FAT3: variants seen among roughly 807,000 people sequenced by gnomAD.
FAT3 encodes the protein FAT atypical cadherin 3.
A neutral mutation model predicts 310.2 loss-of-function variants in FAT3; 95 were observed. The ratio of observed to expected loss-of-function variants is 0.31; its 90% CI spans 0.26 to 0.36. FAT3 has a LOEUF of 0.36. Ranked by LOEUF, FAT3 falls within the 10% of genes least tolerant of loss-of-function variation. FAT3 has a pLI of 1.00. For synonymous variants in FAT3, 2,314 were observed against 2,192.9 expected, an observed-to-expected ratio of 1.06 and a Z score of -1.54; for missense variants, 5,408 against 5,715.6, an observed-to-expected ratio of 0.95 and a Z score of 1.74.
chr11:92,522,021 C>T (rs1953702063), intron 2 of FAT3, among the ~76,000 whole-genome samples: 1 of 152,152 alleles, frequency 6.6e-6, no homozygotes, highest in Non-Finnish European at 1.5e-5. Context: ...CTCATTATCT[C>T]TGTTCCTCCA....
At chr11:92,461,568 C>G (rs187954802) in intron 2 of FAT3, among the ~76,000 whole-genome samples, 2 of 152,184 alleles carry the variant, frequency 1.3e-5, no homozygotes, top group East Asian at 3.9e-4. Flanking sequence ...GATGAGCTGA[C>G]ATTTAAGTTC....
chr11:92,668,696 A>G (rs1943033661), intron 3 of FAT3, among the ~76,000 whole-genome samples: 1 of 152,250 alleles, frequency 6.6e-6, no homozygotes, highest in African/African-American at 2.4e-5. Context: ...TCAAATTCCT[A>G]GCACCATGGA....
intron 1 of FAT3, among the ~76,000 whole-genome samples, chr11:92,229,924 T>G (rs1272433835): frequency 6.6e-6 from 1 of 151,992 alleles, no homozygotes; most frequent in Non-Finnish European, 1.5e-5. Context: ...AAACAAAATA[T>G]TACTTCCTTC....
At chr11:92,614,586 G>T (rs1032929255) in intron 3 of FAT3, among the ~76,000 whole-genome samples, 1 of 152,054 alleles carries the variant, frequency 6.6e-6, no homozygotes, top group Non-Finnish European at 1.5e-5. Flanking sequence ...AGATATAGCC[G>T]CTCATTTGGT....
intron 2 of FAT3, among the ~76,000 whole-genome samples, chr11:92,364,766 A>G (rs1948973396): frequency 6.6e-6 from 1 of 152,122 alleles, no homozygotes; most frequent in Non-Finnish European, 1.5e-5. Flanking sequence ...GGACTCTCAA[A>G]ATTTTCCCAT....
At chr11:92,442,081 T>TTTATATA (rs1355599282) in intron 2 of FAT3, among the ~76,000 whole-genome samples, 51 of 69,976 alleles carry the variant, frequency 7.3e-4, no homozygotes, top group African/African-American at 4.1e-3. Context: ...AATATATATT[T>TTTATATA]TATATATATA....
intron 4 of FAT3, among the ~76,000 whole-genome samples, chr11:92,746,586 C>T (rs1438767033): frequency 6.6e-6 from 1 of 152,106 alleles, no homozygotes; most frequent in Non-Finnish European, 1.5e-5. Flanking sequence ...TCTGAAAGTC[C>T]CCCAAAGTCT....
intron 2 of FAT3, among the ~76,000 whole-genome samples, chr11:92,380,040 G>A (rs765090260): frequency 1.3e-4 from 20 of 150,178 alleles, no homozygotes; most frequent in Admixed American, 6.7e-4. Flanking sequence ...TGATGATGTC[G>A]TTGAGTCAGA....
chr11:92,497,515 A>G (rs182009096), intron 2 of FAT3, among the ~76,000 whole-genome samples: 3 of 151,958 alleles, frequency 2.0e-5, no homozygotes, highest in Non-Finnish European at 4.4e-5. Context: ...TCTCATCTCC[A>G]TCTTATAAAG....
At chr11:92,524,007 T>C (rs943751374) in intron 2 of FAT3, among the ~76,000 whole-genome samples, 1 of 152,108 alleles carries the variant, frequency 6.6e-6, no homozygotes, top group Non-Finnish European at 1.5e-5. Flanking sequence ...TGGAACTCGT[T>C]TGGAACGTGT....
At chr11:92,849,617 G>T (rs188460553) in intron 19 of FAT3, among the ~76,000 whole-genome samples, 9 of 152,292 alleles carry the variant, frequency 5.9e-5, no homozygotes, top group African/African-American at 2.2e-4. Flanking sequence ...GTTATAGATG[G>T]TGTTATTGGG....
intron 3 of FAT3, among the ~76,000 whole-genome samples, chr11:92,645,498 A>T (rs927899836): frequency 6.6e-6 from 1 of 151,856 alleles, no homozygotes; most frequent in Non-Finnish European, 1.5e-5. Flanking sequence ...CAGAAAAAAA[A>T]AAAAAACAGG....
At chr11:92,459,067 C>T (rs41356252) in intron 2 of FAT3, among the ~76,000 whole-genome samples, 1 of 152,146 alleles carries the variant, frequency 6.6e-6, no homozygotes, top group Non-Finnish European at 1.5e-5. Flanking sequence ...AGTTATGATC[C>T]TTTACCCCTA....
intron 19 of FAT3, among the ~76,000 whole-genome samples, chr11:92,854,367 G>T (rs1948915545): frequency 6.6e-6 from 1 of 152,140 alleles, no homozygotes. Flanking sequence ...GGGCAGCTGT[G>T]GCTGTGCCCA....
intron 3 of FAT3, among the ~76,000 whole-genome samples, chr11:92,566,550 A>T (rs1302395927): frequency 6.6e-6 from 1 of 152,040 alleles, no homozygotes; most frequent in Non-Finnish European, 1.5e-5. Flanking sequence ...TAAAGTTCAT[A>T]TGGAACCAAA....
At chr11:92,254,314 G>C (rs540210195) in intron 1 of FAT3, among the ~76,000 whole-genome samples, 1 of 152,222 alleles carries the variant, frequency 6.6e-6, no homozygotes, top group African/African-American at 2.4e-5. Flanking sequence ...GAGAAATCTC[G>C]CAGAAGGAGC....
Position 92,336,688 on chromosome 11 carries a change from T to C in FAT3, c.-17-15408T>C, listed in dbSNP as rs182407116. ...AGAACAGAACTGAATTTTTTGGCCA[T>C]TTTTAATAAAACCAAATAACCAGAA... On this transcript the variant is annotated intron_variant, in intron 1 of 27. Transcript: ENST00000525166. 3.3e-5 allele frequency among the ~76,000 whole-genome samples: 5 copies of C among 152,308 alleles called. No individual in the cohort carries two copies. In the East Asian group the frequency reaches 9.7e-4, roughly 29 times the overall value.
intron 4 of FAT3, among the ~76,000 whole-genome samples, chr11:92,712,175 C>T (rs1944545708): frequency 1.3e-5 from 2 of 152,078 alleles, no homozygotes; most frequent in Non-Finnish European, 2.9e-5. Flanking sequence ...GCACATATGC[C>T]TTCTCATGTT....
intron 3 of FAT3, among the ~76,000 whole-genome samples, chr11:92,598,173 A>G (rs1939811192): frequency 6.7e-6 from 1 of 149,548 alleles, no homozygotes; most frequent in African/African-American, 2.4e-5. Context: ...TTTCCACAGG[A>G]TTTTAAAAAT....
Sources: allele counts gnomAD v4.1 joint callset (sites outside exome capture counted in the v4.1 genomes callset), GRCh38; gene constraint gnomAD v4.1.1; transcripts MANE v1.5; gene names NCBI Gene and HGNC (gene_info 2026-07-23, HGNC 2026-07-21).